ERGIC1: variants seen among roughly 807,000 people sequenced by gnomAD.
ERGIC1 encodes endoplasmic reticulum-Golgi intermediate compartment protein 1.
ERGIC1 carries 19 observed loss-of-function variants against 38.3 expected under a neutral mutation model. The ratio of observed to expected loss-of-function variants is 0.50; its 90% CI spans 0.35 to 0.73. The LOEUF (loss-of-function observed/expected upper bound fraction) is 0.73. Ranked by LOEUF, ERGIC1 falls within the 30% of genes least tolerant of loss-of-function variation. The pLI, the probability that ERGIC1 is intolerant of heterozygous loss-of-function variation, is 0.01. For synonymous variants in ERGIC1, 124 were observed against 157.6 expected (o/e 0.79, Z 1.60); for missense variants, 294 against 389.2 (o/e 0.76, Z 2.06).
chr5:172,901,801 A>G (rs1762887438), intron 3 of ERGIC1, among the ~76,000 whole-genome samples: 2 of 152,048 alleles, frequency 1.3e-5, no homozygotes, highest in South Asian at 4.1e-4. Context: ...GTCTCCCTGT[A>G]TGTTACCCAG....
At chr5:172,905,329 G>A (rs1762989013) in intron 3 of ERGIC1, 1 of 383,250 alleles carries the variant, frequency 2.6e-6, no homozygotes, top group Admixed American at 2.7e-5. Context: ...TTACAGCTGG[G>A]GTAGAAATTG....
intron 3 of ERGIC1, among the ~76,000 whole-genome samples, chr5:172,897,443 A>AAAAGAGAGAG (rs780361647): frequency 7.0e-6 from 1 of 142,414 alleles, no homozygotes; most frequent in Non-Finnish European, 1.5e-5. Flanking sequence ...AAAAAAAAAA[A>AAAAGAGAGAG]AGAGAGAGAG....
chr5:172,935,724 G>A (rs1763876327), intron 9 of ERGIC1: 1 of 172,406 alleles, frequency 5.8e-6, no homozygotes. Flanking sequence ...AGTTATAGCT[G>A]CTGATAGGGT....
chr5:172,936,072 C>A (rs767740322), intron 9 of ERGIC1: 1 of 152,194 alleles, frequency 6.6e-6, no homozygotes, highest in Non-Finnish European at 1.5e-5. Context: ...TTCTGTACTT[C>A]TTCATGCTTG....
intron 1 of ERGIC1, among the ~76,000 whole-genome samples, chr5:172,887,291 G>A (rs779156212): frequency 5.3e-5 from 8 of 152,218 alleles, no homozygotes; most frequent in Non-Finnish European, 7.3e-5. Flanking sequence ...CTGGGATGCC[G>A]TGTGGACTAA....
At chr5:172,881,171 T>C (rs1052707675) in intron 1 of ERGIC1, among the ~76,000 whole-genome samples, 8 of 151,960 alleles carry the variant, frequency 5.3e-5, no homozygotes, top group African/African-American at 1.9e-4. Context: ...GGCTTGAACC[T>C]CGGAGGCGGA....
intron 3 of ERGIC1, among the ~76,000 whole-genome samples, chr5:172,904,735 GCT>G (rs2113351210): frequency 6.6e-6 from 1 of 152,222 alleles, no homozygotes; most frequent in East Asian, 1.9e-4. Flanking sequence ...CGTGGCGCTG[GCT>G]GGGGTGGCAG....
intron 9 of ERGIC1, chr5:172,937,641 G>A (rs1756039199): frequency 1.3e-5 from 2 of 152,024 alleles, no homozygotes. Context: ...CTGCCCTCCA[G>A]CCTGGGCAAC....
intron 9 of ERGIC1, among the ~76,000 whole-genome samples, chr5:172,938,962 G>C (rs494842): frequency 0.016 from 2,359 of 151,848 alleles, 57 homozygotes; most frequent in African/African-American, 0.054. Flanking sequence ...ACTTGGGAGG[G>C]TGAGGCAGGA....
rs531745746 is a variant in ERGIC1, at chr5:172,851,593, G to A, written c.20+17160G>A. Reference sequence around the variant, plus strand: ...CATGGCAGCCCAGGGCTGTTGCTGGGCAGACCTCTGGGACCTTAAAGCGGG... The same window carrying A: ...CATGGCAGCCCAGGGCTGTTGCTGGACAGACCTCTGGGACCTTAAAGCGGG... On this transcript the variant is annotated intron_variant, in intron 1 of 9. Transcript: ENST00000393784. Among the ~76,000 whole-genome samples the A allele has an allele frequency of 3.9e-5, 6 of 152,326 alleles. No individual in the cohort carries two copies. In the South Asian group the frequency reaches 8.3e-4, roughly 21 times the overall value.
At chr5:172,948,166 G>T (rs1181639449) in intron 9 of ERGIC1, among the ~76,000 whole-genome samples, 4 of 152,068 alleles carry the variant, frequency 2.6e-5, no homozygotes, top group African/African-American at 9.7e-5. Context: ...CCACTCCCTG[G>T]GGGGCCGCTC....
chr5:172,933,219 C>T (rs1763816386), intron 8 of ERGIC1: 1 of 152,326 alleles, frequency 6.6e-6, no homozygotes, highest in South Asian at 2.1e-4. Context: ...TCCCACTTAC[C>T]ACCAGGACTG....
At chr5:172,883,663 G>A (rs747829146) in intron 1 of ERGIC1, among the ~76,000 whole-genome samples, 2 of 152,224 alleles carry the variant, frequency 1.3e-5, no homozygotes, top group South Asian at 2.1e-4. Flanking sequence ...CCATGCTTCC[G>A]GTGCCCACTG....
chr5:172,881,884 C>T (rs1470504675), intron 1 of ERGIC1, among the ~76,000 whole-genome samples: 2 of 152,212 alleles, frequency 1.3e-5, no homozygotes, highest in African/African-American at 4.8e-5. Context: ...GCACCCCTTT[C>T]CCTCCTCCAT....
intron 5 of ERGIC1, among the ~76,000 whole-genome samples, chr5:172,922,628 G>A (rs375136175): frequency 6.6e-6 from 1 of 152,350 alleles, no homozygotes; most frequent in African/African-American, 2.4e-5. Flanking sequence ...ACTGGATGCT[G>A]TTCCCGGCAC....
chr5:172,918,388 G>C (rs1763426363), intron 5 of ERGIC1: 1 of 152,232 alleles, frequency 6.6e-6, no homozygotes, highest in South Asian at 2.1e-4. Flanking sequence ...AAAGCCTTAA[G>C]AACCTAAGGT....
intron 1 of ERGIC1, among the ~76,000 whole-genome samples, chr5:172,836,671 C>G (rs915016464): frequency 6.6e-6 from 1 of 152,178 alleles, no homozygotes; most frequent in African/African-American, 2.4e-5. Context: ...CCATGCTCAG[C>G]CCTCTGCCAC....
At chr5:172,941,470 TCA>T (rs1054459001) in intron 9 of ERGIC1, among the ~76,000 whole-genome samples, 1 of 152,094 alleles carries the variant, frequency 6.6e-6, no homozygotes, top group African/African-American at 2.4e-5. Flanking sequence ...ATCCAAGATC[TCA>T]CAGCCAGTAA....
intron 7 of ERGIC1, among the ~76,000 whole-genome samples, chr5:172,930,476 G>A (rs1405243237): frequency 3.3e-5 from 5 of 151,816 alleles, no homozygotes; most frequent in South Asian, 2.1e-4. Flanking sequence ...CCTAGTAGCC[G>A]GGACTACAGG....
Sources: gnomAD v4.1 joint callset for allele counts (sites outside exome capture counted in the v4.1 genomes callset) on GRCh38, gnomAD v4.1.1 for gene constraint, MANE v1.5 for transcripts, NCBI Gene and HGNC (gene_info 2026-07-23, HGNC 2026-07-21) for gene names.